Variants in BCAR3 observed in about 807,000 individuals in gnomAD.
BCAR3 encodes the protein BCAR3 adaptor protein, NSP family member, also known as breast cancer anti-estrogen resistance protein 3.
In BCAR3, 37 loss-of-function variants were observed where a neutral mutation model predicts 80.1. The ratio of observed to expected loss-of-function variants is 0.46; its 90% confidence interval spans 0.36 to 0.61. BCAR3 has a LOEUF of 0.61. Ranked by LOEUF, BCAR3 falls within the 20% of genes least tolerant of loss-of-function variation. The probability of loss-of-function intolerance (pLI) is 0.00; values close to 1 mark genes in which losing one functional copy is unlikely to be tolerated. For missense variants in BCAR3, 978 were observed against 1,068.2 expected (o/e 0.92, Z 1.18); for synonymous variants, 389 against 418.9 (o/e 0.93, Z 0.87).
intron 2 of BCAR3, among the ~76,000 whole-genome samples, chr1:93,842,809 T>C (rs61024563): frequency 0.088 from 13,322 of 152,222 alleles, 793 homozygotes; most frequent in East Asian, 0.18. Flanking sequence ...TGTACTTCCA[T>C]AAGGACCCAT....
intron 11 of BCAR3, among the ~76,000 whole-genome samples, chr1:93,563,677 C>G (rs1355726950): frequency 6.6e-6 from 1 of 152,050 alleles, no homozygotes; most frequent in African/African-American, 2.4e-5. Flanking sequence ...TGCTGCCAAC[C>G]CTTAGTTTTA....
chr1:93,780,378 A>G (rs1652724097), intron 2 of BCAR3, among the ~76,000 whole-genome samples: 2 of 152,170 alleles, frequency 1.3e-5, no homozygotes, highest in African/African-American at 4.8e-5. Flanking sequence ...AACTCTTAAC[A>G]TCACTTGAAA....
chr1:93,614,231 C>A, intron 3 of BCAR3: 1 of 1,063,034 alleles, frequency 9.4e-7, no homozygotes, highest in Non-Finnish European at 1.2e-6. Context: ...ATTCTAACCC[C>A]TCTTAGAAGA....
chr1:93,627,637 A>ACATTTTTCTTT (rs1207455638), intron 3 of BCAR3, among the ~76,000 whole-genome samples: 1 of 152,258 alleles, frequency 6.6e-6, no homozygotes, highest in Non-Finnish European at 1.5e-5. Context: ...ATTCACTGGT[A>ACATTTTTCTTT]TATAATGGGT....
At chr1:93,764,895 G>A (rs1177472916) in intron 2 of BCAR3, among the ~76,000 whole-genome samples, 3 of 152,164 alleles carry the variant, frequency 2.0e-5, no homozygotes, top group Admixed American at 2.0e-4. Flanking sequence ...GTCTACCCCA[G>A]GCCACATCCA....
chr1:93,809,858 A>G (rs1241522268), intron 2 of BCAR3, among the ~76,000 whole-genome samples: 1 of 148,304 alleles, frequency 6.7e-6, no homozygotes, highest in East Asian at 1.9e-4. Context: ...TAAGATAAGC[A>G]GTTTATAAGA....
At chr1:93,840,170 C>G (rs12122113) in intron 2 of BCAR3, among the ~76,000 whole-genome samples, 1 of 151,952 alleles carries the variant, frequency 6.6e-6, no homozygotes, top group South Asian at 2.1e-4. Context: ...GTTTGAAGAC[C>G]GCTAGTCTAA....
chr1:93,628,036 C>T (rs984441775), intron 3 of BCAR3, among the ~76,000 whole-genome samples: 6 of 152,152 alleles, frequency 3.9e-5, no homozygotes, highest in Middle Eastern at 3.4e-3. Context: ...CTTTCGGTTG[C>T]CAAGAAGTTT....
At chr1:93,758,740 GGT>G (rs1225297666) in intron 2 of BCAR3, among the ~76,000 whole-genome samples, 1 of 152,194 alleles carries the variant, frequency 6.6e-6, no homozygotes. Flanking sequence ...CACTTTATCA[GGT>G]CCAGTGTGGT....
rs1202451533 is a variant in BCAR3 at position 93,817,227 on chromosome 1, AGGGAAGAAATG to A, written c.-63+28329_-63+28339del. Among the ~76,000 whole-genome samples the A allele has an allele frequency of 1.4e-4, 21 of 152,312 alleles. No individual in the cohort carries two copies. The East Asian group carries it at 3.3e-3, about 24-fold the overall frequency. On this transcript the variant is annotated intron_variant, in intron 2 of 13. Coordinates refer to the BCAR3 transcript ENST00000370244. The stretch of plus-strand genomic sequence containing the variant: ...ATGTGAGCAGGCACTTTTAAGTATG[AGGGAAGAAATG>A]GGCCACTGGGCATCAAAGCAGGGGC...
At chr1:93,760,044 G>A (rs896427317) in intron 2 of BCAR3, among the ~76,000 whole-genome samples, 7 of 152,122 alleles carry the variant, frequency 4.6e-5, no homozygotes, top group African/African-American at 1.4e-4. Context: ...GGTAACTTAC[G>A]TAAACTAGGT....
At chr1:93,676,057 T>C (rs1265102981) in intron 1 of BCAR3, among the ~76,000 whole-genome samples, 1 of 151,372 alleles carries the variant, frequency 6.6e-6, no homozygotes, top group Non-Finnish European at 1.5e-5. Flanking sequence ...CATACAGCCC[T>C]TCCCACGGGC....
At position 93,598,263 on chromosome 1, in the gene BCAR3, T is replaced by C. The variant is rs557688063; in HGVS notation, c.358-5870A>G. Among the ~76,000 whole-genome samples, 64 of 151,902 alleles carry C rather than the reference T, an allele frequency of 4.2e-4. 1 individual carries two copies. The South Asian group carries it at 0.013, about 32-fold the overall frequency. ...GTTCTGAAGACGGGACGGGGAGGGG[T>C]GCACTTGGGCGATCTGTCAGAAACC... On this transcript the variant is annotated intron_variant, in intron 3 of 11. Coordinates refer to ENST00000260502, the MANE Select transcript of BCAR3 (RefSeq NM_003567.4).
intron 2 of BCAR3, among the ~76,000 whole-genome samples, chr1:93,799,840 G>C (rs1440808508): frequency 6.6e-6 from 1 of 152,154 alleles, no homozygotes; most frequent in East Asian, 1.9e-4. Context: ...TCCAGGTAAA[G>C]GCAAACAAAT....
intron 3 of BCAR3, among the ~76,000 whole-genome samples, chr1:93,626,896 G>A (rs919141078): frequency 9.2e-5 from 14 of 152,172 alleles, no homozygotes; most frequent in Non-Finnish European, 1.8e-4. Context: ...CTTTTTCATA[G>A]AGCACAATTT....
intron 2 of BCAR3, among the ~76,000 whole-genome samples, chr1:93,738,530 C>T (rs961248669): frequency 6.6e-6 from 1 of 152,218 alleles, no homozygotes; most frequent in Non-Finnish European, 1.5e-5. Flanking sequence ...ACAGAGGTCC[C>T]GGCAGAGCTG....
chr1:93,596,127 T>G (rs1449531454), intron 3 of BCAR3, among the ~76,000 whole-genome samples: 1 of 152,240 alleles, frequency 6.6e-6, no homozygotes, highest in East Asian at 1.9e-4. Flanking sequence ...AGTTCTAATT[T>G]ATTCTACGAA....
intron 2 of BCAR3, among the ~76,000 whole-genome samples, chr1:93,743,966 G>T (rs907438034): frequency 6.6e-6 from 1 of 152,140 alleles, no homozygotes; most frequent in Non-Finnish European, 1.5e-5. Context: ...AGTGGGAGGG[G>T]ACAGAAAGTG....
At chr1:93,797,398 C>A (rs1653316357) in intron 2 of BCAR3, among the ~76,000 whole-genome samples, 1 of 152,112 alleles carries the variant, frequency 6.6e-6, no homozygotes, top group African/African-American at 2.4e-5. Flanking sequence ...AGTCCTGCCT[C>A]TATTGCATTT....
Sources: allele counts gnomAD v4.1 joint callset (sites outside exome capture counted in the v4.1 genomes callset), GRCh38; gene constraint gnomAD v4.1.1; transcripts MANE v1.5; gene names NCBI Gene and HGNC (gene_info 2026-07-23, HGNC 2026-07-21).